Variants in EPS8 observed in about 807,000 individuals in gnomAD.
EPS8 encodes epidermal growth factor receptor kinase substrate 8.
In EPS8, 42 loss-of-function variants were observed where a neutral mutation model predicts 103.8. The observed-to-expected ratio is 0.40, with a 90% CI of 0.32 to 0.52. The LOEUF (loss-of-function observed/expected upper bound fraction) is 0.52. Ranked by LOEUF, EPS8 falls within the 20% of genes least tolerant of loss-of-function variation. The pLI is 0.40. For missense variants in EPS8, 969 were observed against 1,005.1 expected, an observed-to-expected ratio of 0.96 and a Z score of 0.49; for synonymous variants, 344 against 344.6, an observed-to-expected ratio of 1.00 and a Z score of 0.02.
At chr12:15,687,652 T>C (rs569334963) in intron 1 of EPS8, among the ~76,000 whole-genome samples, 6 of 152,190 alleles carry the variant, frequency 3.9e-5, no homozygotes, top group Non-Finnish European at 8.8e-5. Flanking sequence ...GCACTAATTA[T>C]GTTTGCTATT....
intron 20 of EPS8, among the ~76,000 whole-genome samples, 164 bp from the exon 21 acceptor site, chr12:15,621,594 A>G (rs893357276): frequency 2.6e-5 from 4 of 152,210 alleles, no homozygotes; most frequent in African/African-American, 4.8e-5. Context: ...CTTCACTAAT[A>G]TATCACATTA....
chr12:15,763,544 C>T (rs1193948261), intron 1 of EPS8, among the ~76,000 whole-genome samples: 1 of 152,180 alleles, frequency 6.6e-6, no homozygotes, highest in African/African-American at 2.4e-5. Flanking sequence ...ACTGTGCCAG[C>T]TTCACAACAA....
At chr12:15,786,005 C>T (rs902168535) in intron 1 of EPS8, among the ~76,000 whole-genome samples, 32 of 151,644 alleles carry the variant, frequency 2.1e-4, no homozygotes, top group African/African-American at 6.3e-4. Flanking sequence ...AAATCTCCCA[C>T]GGAGAAAAAT....
At chr12:15,651,990 G>C (rs1945423704) in intron 13 of EPS8, among the ~76,000 whole-genome samples, 2 of 152,042 alleles carry the variant, frequency 1.3e-5, no homozygotes, top group Non-Finnish European at 2.9e-5. Flanking sequence ...AGAAATTAAA[G>C]AGCCTGAGCT....
At chr12:15,685,944 T>C (rs1946088862) in intron 1 of EPS8, among the ~76,000 whole-genome samples, 1 of 152,182 alleles carries the variant, frequency 6.6e-6, no homozygotes. Flanking sequence ...GCTTTTAAGT[T>C]TAATGACTCA....
rs1207331977 is a variant in EPS8 at position 15,781,023 on chromosome 12, C to T, written c.-22+8138G>A. On this transcript the variant is annotated intron_variant, in intron 1 of 20. Transcript: ENST00000281172. The surrounding 1 kb of genome is among the most constrained non-coding windows in gnomAD (Gnocchi z 4.1). ...AACTTAACTGACTCAGTTCCCTGCC[C>T]TTGAGAAGCTTTAAATACAATGAGG... 6.6e-6 allele frequency among the ~76,000 whole-genome samples: 1 copy of T among 152,158 alleles called. No individual in the cohort carries two copies. Among genetic ancestry groups the T allele is most frequent in the Non-Finnish European group, 1.5e-5 (1 of 68,032 alleles).
At chr12:15,763,927 G>A (rs572293538) in intron 1 of EPS8, among the ~76,000 whole-genome samples, 2 of 152,262 alleles carry the variant, frequency 1.3e-5, no homozygotes, top group African/African-American at 4.8e-5. Flanking sequence ...ACTATGACTA[G>A]TTTTTCATTC....
chr12:15,663,821 C>G, intron 8 of EPS8, among the ~76,000 whole-genome samples: 1 of 149,002 alleles, frequency 6.7e-6, no homozygotes, highest in African/African-American at 2.5e-5. Flanking sequence ...ACTTGGGAGG[C>G]TGAGGCAGGA....
At chr12:15,647,836 T>C (rs1336867718) in intron 14 of EPS8, among the ~76,000 whole-genome samples, 1 of 152,126 alleles carries the variant, frequency 6.6e-6, no homozygotes. Context: ...TTTAAAGCTA[T>C]AGAGCAGCAA....
intron 8 of EPS8, among the ~76,000 whole-genome samples, chr12:15,663,954 T>TAAAAA (rs1565487338): frequency 1.6e-3 from 36 of 22,278 alleles, no homozygotes; most frequent in African/African-American, 3.5e-3. Context: ...AAATAATATA[T>TAAAAA]ATATATATAT....
intron 17 of EPS8, among the ~76,000 whole-genome samples, chr12:15,633,797 C>T (rs139504810): frequency 2.0e-5 from 3 of 152,266 alleles, no homozygotes; most frequent in Non-Finnish European, 2.9e-5. Flanking sequence ...TTCCTTGAAT[C>T]GTGACAACTG....
At chr12:15,651,340 A>G (rs1424926505) in intron 13 of EPS8, among the ~76,000 whole-genome samples, 2 of 152,204 alleles carry the variant, frequency 1.3e-5, no homozygotes, top group Non-Finnish European at 2.9e-5. Context: ...TGGAGCTAGG[A>G]GTGTGATAAG....
At chr12:15,645,958 A>G (rs891857423) in intron 15 of EPS8, among the ~76,000 whole-genome samples, 3 of 152,208 alleles carry the variant, frequency 2.0e-5, no homozygotes, top group Non-Finnish European at 4.4e-5. Flanking sequence ...TTAATCTGAA[A>G]TGATTTCTAA....
In EPS8 at chr12:15,740,042, G is replaced by A. The variant is rs1946804243; in HGVS notation, c.-22+49119C>T. On this transcript the variant is annotated intron_variant, in intron 1 of 20. Transcript: ENST00000281172. Reference sequence around the variant, plus strand: ...TACTAACCAAAAGAAGCTACTCCGAGGTGACGGCAAAGTTAAGGATAAAAA... The same window carrying A: ...TACTAACCAAAAGAAGCTACTCCGAAGTGACGGCAAAGTTAAGGATAAAAA... 3.3e-5 allele frequency among the ~76,000 whole-genome samples: 5 copies of A among 151,976 alleles called. No homozygotes were observed. The South Asian group carries it at 1.0e-3, about 31-fold the overall frequency.
chr12:15,670,126 T>C (rs1945790064), intron 4 of EPS8, among the ~76,000 whole-genome samples: 1 of 152,162 alleles, frequency 6.6e-6, no homozygotes, highest in Non-Finnish European at 1.5e-5. Flanking sequence ...AATAATATTC[T>C]CTTAAAATAA....
At chr12:15,622,234 A>G (rs1944872016) in intron 20 of EPS8, among the ~76,000 whole-genome samples, 1 of 152,234 alleles carries the variant, frequency 6.6e-6, no homozygotes, top group Non-Finnish European at 1.5e-5. Flanking sequence ...CTTGAGAAAA[A>G]TATATAATCC....
chr12:15,737,555 T>C (rs1483865412), intron 1 of EPS8, among the ~76,000 whole-genome samples: 1 of 152,144 alleles, frequency 6.6e-6, no homozygotes, highest in African/African-American at 2.4e-5. Context: ...ACAATGACCC[T>C]ATGAGGGAAG....
chr12:15,640,376 G>A (rs1945207690), intron 17 of EPS8, among the ~76,000 whole-genome samples: 1 of 152,120 alleles, frequency 6.6e-6, no homozygotes, highest in African/African-American at 2.4e-5. Flanking sequence ...GGAAGCCCCT[G>A]GTGGATAGCA....
Position 15,748,749 on chromosome 12 carries a change from T to C in EPS8, c.-22+40412A>G, listed in dbSNP as rs1198948822. On this transcript the variant is annotated intron_variant, in intron 1 of 20. Coordinates refer to ENST00000281172, the MANE Select transcript of EPS8 (RefSeq NM_004447.6). This position sits in a 1 kb window ranked among gnomAD's most constrained non-coding sequence, Gnocchi z 4.8. ...TGTCAGGTAAAGACAGAATATCCAA[T>C]GTATAACAGATCTAAGCTTTTTCTC... 2.0e-5 allele frequency among the ~76,000 whole-genome samples: 3 copies of C among 152,198 alleles called. No homozygotes were observed. Among genetic ancestry groups the C allele is most frequent in the Non-Finnish European group, 2.9e-5 (2 of 68,024 alleles).
Sources: allele counts gnomAD v4.1 joint callset (sites outside exome capture counted in the v4.1 genomes callset), GRCh38; gene constraint gnomAD v4.1.1; non-coding constraint Gnocchi (gnomAD v3.1); transcripts MANE v1.5; gene names NCBI Gene and HGNC (gene_info 2026-07-23, HGNC 2026-07-21).